Variants in PRKDC observed in about 807,000 individuals in gnomAD.
PRKDC encodes the protein DNA-dependent protein kinase catalytic subunit.
Under a neutral mutation model 486.9 loss-of-function variants are expected in PRKDC, and 82 were observed. The observed-to-expected ratio is 0.17, with a 90% CI of 0.14 to 0.20. PRKDC has a LOEUF of 0.20. Ranked by LOEUF, PRKDC falls within the 10% of genes least tolerant of loss-of-function variation. PRKDC has a pLI of 1.00. For missense variants in PRKDC, 4,504 were observed against 5,038.2 expected (o/e 0.89, Z 3.21); for synonymous variants, 1,895 against 1,837.0 (o/e 1.03, Z -0.81).
At position 47,857,216 on chromosome 8, in the gene PRKDC, G is replaced by A. The variant is rs757574709; in HGVS notation, c.6549C>T (p.His2183=). ...TGGCCACTATCTCAACCACCATGTA[G>A]TGAATTCCTTCTCCTCCATTGTTTT... ...ASENNGGEGI[H]YMVVEIVATI... The change falls in exon 49 of 86, where the codon CAC becomes CAT. Residue 2183 remains histidine, a synonymous_variant. Coordinates refer to ENST00000314191, the MANE Select transcript of PRKDC (RefSeq NM_006904.7). 1.2e-6 allele frequency: 2 copies of A among 1,613,926 alleles called. No individual in the cohort carries two copies. The highest frequency in any genetic ancestry group is 1.7e-6 in the Non-Finnish European group (2 of 1,179,900).
intron 57 of PRKDC, 130 bp from the exon 58 acceptor site, chr8:47,836,657 C>T (rs1481003095): frequency 3.6e-6 from 3 of 842,274 alleles, no homozygotes; most frequent in Non-Finnish European, 3.5e-6. Context: ...ACTTCATATG[C>T]AGCTGAAGAA....
At position 47,816,740 on chromosome 8, in the gene PRKDC, T is replaced by C. The variant is rs752814604; in HGVS notation, c.9557+710A>G. Among the ~76,000 whole-genome samples the C allele has an allele frequency of 4.9e-4, 75 of 151,578 alleles. No homozygotes were observed. In the Middle Eastern group the frequency reaches 0.01, roughly 21 times the overall value. On this transcript the variant is annotated intron_variant, in intron 68 of 85. Coordinates refer to ENST00000314191, the MANE Select transcript of PRKDC (RefSeq NM_006904.7). ...TTTAAAATGTTATTTAAAAAATCAG[T>C]GAATCTGGGTTAAAGAACCCAGGAG...
At chr8:47,786,978 C>T (rs973740406) in intron 76 of PRKDC, among the ~76,000 whole-genome samples, 4 of 151,924 alleles carry the variant, frequency 2.6e-5, no homozygotes, top group Admixed American at 2.0e-4. Context: ...CCGCCCGCCT[C>T]GCGCTCCCAA....
rs569812607 is a variant in PRKDC at position 47,775,393 on chromosome 8, A to T, written c.12183-1016T>A. Among the ~76,000 whole-genome samples the T allele has an allele frequency of 2.6e-3, 269 of 105,162 alleles. 1 individual carries two copies. The highest frequency in any genetic ancestry group is 0.011 in the African/African-American group (265 of 24,742). The allele number at this position is 105,162 out of a possible 152,430, so 69.0% of individuals were successfully genotyped here. On this transcript the variant is annotated intron_variant, in intron 85 of 85. Transcript: ENST00000314191. ...TTTTTTTTTTTTTTTTTTTTTTGAG[A>T]CAGGGTCTTGCTCTGTCACCCAGGC...
chr8:47,938,533 G>T (rs2090391318), intron 11 of PRKDC, among the ~76,000 whole-genome samples: 1 of 152,000 alleles, frequency 6.6e-6, no homozygotes, highest in Non-Finnish European at 1.5e-5. Context: ...CCACTAAGAG[G>T]AAATAACTAG....
Position 47,782,053 on chromosome 8 carries a change from C to CG in PRKDC, c.11489+108dup, listed in dbSNP as rs1554624075. On this transcript the variant is annotated intron_variant, in intron 80 of 85. Transcript: ENST00000314191. This position sits in a 1 kb window ranked among gnomAD's most constrained non-coding sequence, Gnocchi z 4.9. Reference sequence around the variant, plus strand: ...GTTTATTGACCCAGCCAGCAGACTGCGGGGCAGGCAGTGTGGGCTCTCGAG... The same window carrying CG: ...GTTTATTGACCCAGCCAGCAGACTGCGGGGGCAGGCAGTGTGGGCTCTCGAG... 2.2e-6 allele frequency: 2 copies of CG among 890,864 alleles called. No individual in the cohort carries two copies. The highest frequency in any genetic ancestry group is 1.8e-6 in the Non-Finnish European group (1 of 562,316). The allele number at this position is 890,864 out of a possible 1,614,324, so 55.2% of individuals were successfully genotyped here.
chr8:47,921,483 A>G (rs1455877856), intron 21 of PRKDC, among the ~76,000 whole-genome samples: 2 of 152,132 alleles, frequency 1.3e-5, no homozygotes, highest in Non-Finnish European at 2.9e-5. Context: ...TTAATAGAAT[A>G]CTGAAATACT....
At chr8:47,864,829 T>C in intron 40 of PRKDC, 66 bp from the exon 41 acceptor site, 1 of 1,335,796 alleles carries the variant, frequency 7.5e-7, no homozygotes. Context: ...GAGTGCCTAC[T>C]ACATAACAGG....
intron 39 of PRKDC, among the ~76,000 whole-genome samples, chr8:47,879,258 CATAA>C (rs2089155427): frequency 6.6e-6 from 1 of 152,196 alleles, no homozygotes; most frequent in African/African-American, 2.4e-5. Context: ...GCCACACACA[CATAA>C]ATAAATGGGA....
At chr8:47,892,355 C>T (rs559601056) in intron 31 of PRKDC, among the ~76,000 whole-genome samples, 3 of 152,112 alleles carry the variant, frequency 2.0e-5, no homozygotes, top group East Asian at 1.9e-4. Context: ...TTTTGAGACA[C>T]GGTCTCACTC....
Position 47,840,156 on chromosome 8 carries a change from T to C in PRKDC, c.7314A>G (p.Ile2438Met). ...TTAACTTTGGCATCATCTTATAAAT[T>C]ATGTCCAAACATACTTTTTGTCTTT... Reference protein sequence around the residue: ...DDERQKVCLDIIYKMMPKLKP... With the variant: ...DDERQKVCLDMIYKMMPKLKP... Residue 2438 changes from isoleucine (I) to methionine (M), a missense_variant, in exon 55 of 86, where the codon ATA becomes ATG. Ile to Met is a conservative substitution (Grantham distance 10). Around this residue, in one of 6 missense-constraint regions of PRKDC, gnomAD observed 1,592 missense variants for 1,724.6 expected, o/e 0.92. Coordinates refer to ENST00000314191, the MANE Select transcript of PRKDC (RefSeq NM_006904.7). 6.2e-7 allele frequency: 1 copy of C among 1,601,272 alleles called. No individual in the cohort carries two copies. The highest frequency in any genetic ancestry group is 8.5e-7 in the Non-Finnish European group (1 of 1,172,722).
rs745552701 is a variant in PRKDC at position 47,782,282 on chromosome 8, G to A, written c.11397-28C>T. The A allele has an allele frequency of 6.2e-7, 1 of 1,612,150 alleles. No homozygotes were observed. Among genetic ancestry groups the A allele is most frequent in the Non-Finnish European group, 8.5e-7 (1 of 1,178,172 alleles). Reference sequence around the variant, plus strand: ...GAAAGGGAGAATAAAAGGTTAACGAGTAAACCCAAACTGCTCTTTCTTCAC... The same window carrying A: ...GAAAGGGAGAATAAAAGGTTAACGAATAAACCCAAACTGCTCTTTCTTCAC... On this transcript the variant is annotated intron_variant, in intron 79 of 85. Coordinates refer to ENST00000314191, the MANE Select transcript of PRKDC (RefSeq NM_006904.7). The surrounding 1 kb of genome is among the most constrained non-coding windows in gnomAD (Gnocchi z 4.9).
chr8:47,785,352 G>GT, intron 76 of PRKDC, 35 bp from the exon 77 acceptor site: 2 of 1,483,910 alleles, frequency 1.3e-6, no homozygotes, highest in Non-Finnish European at 1.8e-6. Flanking sequence ...AAAGACTGAT[G>GT]TTTAGTTTGG....
intron 21 of PRKDC, among the ~76,000 whole-genome samples, chr8:47,923,957 TATAAGAACTTATTACACAC>T (rs1300001138): frequency 6.6e-6 from 1 of 152,218 alleles, no homozygotes; most frequent in Non-Finnish European, 1.5e-5. Context: ...AAGCTAAGTT[TATAAGAACTTATTACACAC>T]CAAACAATCA....
At chr8:47,775,446 A>G (rs1400060355) in intron 85 of PRKDC, among the ~76,000 whole-genome samples, 1 of 131,926 alleles carries the variant, frequency 7.6e-6, no homozygotes, top group Admixed American at 9.3e-5. Flanking sequence ...ATCTCGGCTC[A>G]CTGCAACCTC....
At position 47,893,170 on chromosome 8, in the gene PRKDC, G is replaced by T. The variant is rs566383990; in HGVS notation, c.3816C>A (p.Gly1272=). 1.2e-6 allele frequency: 2 copies of T among 1,611,946 alleles called. No individual in the cohort carries two copies. The highest frequency in any genetic ancestry group is 1.7e-5 in the Admixed American group (1 of 59,882). ...CCTGGAGCGCTCCTACAGTTCTCTCGCCAATGAACGTGTTGTAGCACTCCA... is the reference window on the plus strand; with the variant it reads ...CCTGGAGCGCTCCTACAGTTCTCTCTCCAATGAACGTGTTGTAGCACTCCA... ...AALECYNTFI[G]ERTVGALQVL... is the part of the protein sequence containing the mutation. The change falls in exon 31 of 86, where the codon GGC becomes GGA. Residue 1272 remains glycine (G), a synonymous_variant. Transcript: ENST00000314191.
Position 47,821,625 on chromosome 8 carries a change from G to C in PRKDC, c.9090C>G (p.Ile3030Met), listed in dbSNP as rs754488181. The change falls in exon 65 of 86, where the codon ATC becomes ATG. Residue 3030 changes from isoleucine (I) to methionine (M), a missense_variant. Transcript: ENST00000314191. ...DSENPPDLNK[I>M]WSEPFYQETY... ...CCACCTGATAAAATGGTTCACTCCA[G>C]ATTTTATTTAGGTCTGGGGGGTTCT... 1.9e-6 allele frequency: 3 copies of C among 1,599,492 alleles called. No homozygotes were observed. Among genetic ancestry groups the C allele is most frequent in the East Asian group, 4.5e-5 (2 of 44,592 alleles).
chr8:47,834,395 A>C lies in PRKDC; in HGVS notation c.7953T>G (p.Asp2651Glu). 1 of 1,612,994 alleles carries C rather than the reference A, an allele frequency of 6.2e-7. No homozygotes were observed. The highest frequency in any genetic ancestry group is 8.5e-7 in the Non-Finnish European group (1 of 1,179,712). Reference sequence around the variant, plus strand: ...TCAGCCAATCAAATGAGCTTCTTCCATCTGTGACATGCAATCAGAGAGGTC... The same window carrying C: ...TCAGCCAATCAAATGAGCTTCTTCCCTCTGTGACATGCAATCAGAGAGGTC... ...QHDFTLTQTA[D>E]GRSSFDWLTG... The change falls in exon 59 of 86, where the codon GAT (aspartate) becomes GAG (glutamate). Residue 2651 changes from aspartate to glutamate, a missense_variant and splice_region_variant. Asp to Glu is a conservative substitution (Grantham distance 45). Coordinates refer to ENST00000314191, the MANE Select transcript of PRKDC (RefSeq NM_006904.7).
At chr8:47,955,169 AGAAAACATATGGGCCGG>A (rs1754955836) in intron 4 of PRKDC, among the ~76,000 whole-genome samples, 1 of 146,562 alleles carries the variant, frequency 6.8e-6, no homozygotes, top group Non-Finnish European at 1.5e-5. Flanking sequence ...AAGAAAGAAA[AGAAAACATATGGGCCGG>A]GCGCGGTGGC....
Sources: gnomAD v4.1 joint callset for allele counts (sites outside exome capture counted in the v4.1 genomes callset) on GRCh38, gnomAD v4.1.1 for gene constraint, gnomAD v4.1.1 regional missense constraint, Gnocchi (gnomAD v3.1) non-coding constraint, MANE v1.5 for transcripts, NCBI Gene and HGNC (gene_info 2026-07-23, HGNC 2026-07-21) for gene names.